RIMS2: variants seen among roughly 807,000 people sequenced by gnomAD.
The protein encoded by RIMS2 is regulating synaptic membrane exocytosis 2, also known as regulating synaptic membrane exocytosis protein 2.
Under a neutral mutation model 174.4 loss-of-function variants are expected in RIMS2, and 59 were observed. The observed-to-expected ratio is 0.34, with a 90% confidence interval of 0.27 to 0.42. The LOEUF (loss-of-function observed/expected upper bound fraction) is 0.42. Among genes scored for constraint, RIMS2 ranks in the 10% least tolerant of loss-of-function variants. The pLI is 1.00. For synonymous variants in RIMS2, 606 were observed against 572.5 expected, an observed-to-expected ratio of 1.06 and a Z score of -0.84; for missense variants, 1,620 against 1,666.3, an observed-to-expected ratio of 0.97 and a Z score of 0.48.
intron 19 of RIMS2, among the ~76,000 whole-genome samples, chr8:104,156,629 G>A (rs1447862348): frequency 6.6e-6 from 1 of 152,112 alleles, no homozygotes; most frequent in Non-Finnish European, 1.5e-5. Context: ...TATATTTTAT[G>A]TATTGTTAAA....
intron 1 of RIMS2, among the ~76,000 whole-genome samples, chr8:103,543,024 A>T (rs1188001659): frequency 2.0e-5 from 3 of 152,196 alleles, no homozygotes; most frequent in Admixed American, 2.0e-4. Context: ...TTGCCAGAGC[A>T]ATTAGGCAAA....
At chr8:104,196,140 A>G (rs2099022988) in intron 19 of RIMS2, among the ~76,000 whole-genome samples, 1 of 152,176 alleles carries the variant, frequency 6.6e-6, no homozygotes, top group Non-Finnish European at 1.5e-5. Flanking sequence ...TTTTTCTACC[A>G]AGAGCAGACC....
At chr8:103,963,554 G>A (rs2090885159) in intron 15 of RIMS2, among the ~76,000 whole-genome samples, 1 of 151,992 alleles carries the variant, frequency 6.6e-6, no homozygotes, top group South Asian at 2.1e-4. Context: ...AAATTTTAGG[G>A]CAGCATTAGG....
At chr8:103,738,511 CA>C (rs1462879385) in intron 2 of RIMS2, among the ~76,000 whole-genome samples, 1 of 152,124 alleles carries the variant, frequency 6.6e-6, no homozygotes, top group African/African-American at 2.4e-5. Context: ...GCAATAGCAA[CA>C]AAAGCCAAAA....
chr8:103,613,257 T>G (rs1004208944), intron 1 of RIMS2, among the ~76,000 whole-genome samples: 2 of 152,182 alleles, frequency 1.3e-5, no homozygotes, highest in Non-Finnish European at 2.9e-5. Flanking sequence ...TAAACCACAA[T>G]ATAAAGTCCT....
chr8:103,675,251 T>A (rs902776531), intron 1 of RIMS2, among the ~76,000 whole-genome samples: 11 of 152,182 alleles, frequency 7.2e-5, no homozygotes, highest in African/African-American at 2.7e-4. Flanking sequence ...CTAAAGTCTT[T>A]CCTAGTAGTC....
chr8:104,062,915 A>G (rs2097029829), intron 19 of RIMS2, among the ~76,000 whole-genome samples: 1 of 152,108 alleles, frequency 6.6e-6, no homozygotes, highest in South Asian at 2.1e-4. Context: ...AATTAACTTT[A>G]AAATTTTTTA....
intron 16 of RIMS2, among the ~76,000 whole-genome samples, chr8:103,982,989 T>C (rs554736538): frequency 7.2e-5 from 11 of 152,328 alleles, no homozygotes; most frequent in African/African-American, 2.4e-4. Flanking sequence ...CATGATCTTA[T>C]ATTTGGAAAA....
intron 1 of RIMS2, among the ~76,000 whole-genome samples, chr8:103,663,395 T>C (rs146071282): frequency 0.03 from 4,550 of 152,250 alleles, 73 homozygotes; most frequent in African/African-American, 0.046. Context: ...CCCCATCGTG[T>C]CAGCCCCAAA....
intron 1 of RIMS2, 59 bp from the exon 2 acceptor site, chr8:103,652,146 T>G: frequency 1.0e-6 from 1 of 961,210 alleles, no homozygotes; most frequent in Non-Finnish European, 1.4e-6. Flanking sequence ...AACACAAATT[T>G]GTAAATAGAA....
intron 1 of RIMS2, among the ~76,000 whole-genome samples, chr8:103,668,664 T>G (rs2096706278): frequency 6.6e-6 from 1 of 151,470 alleles, no homozygotes; most frequent in Admixed American, 6.6e-5. Context: ...ATTTATTTAT[T>G]TATTTATTTA....
intron 1 of RIMS2, among the ~76,000 whole-genome samples, chr8:103,587,930 T>C (rs1035408270): frequency 6.6e-5 from 10 of 151,858 alleles, no homozygotes; most frequent in African/African-American, 2.4e-4. Context: ...GAGAAGGAAA[T>C]AAAGGATATC....
At chr8:103,734,757 C>T (rs576676757) in intron 2 of RIMS2, among the ~76,000 whole-genome samples, 2 of 152,214 alleles carry the variant, frequency 1.3e-5, no homozygotes, top group Admixed American at 6.5e-5. Flanking sequence ...GCTACATCTG[C>T]AAGCTTTGGT....
chr8:103,822,988 A>G (rs946158888), intron 3 of RIMS2, among the ~76,000 whole-genome samples: 4 of 151,976 alleles, frequency 2.6e-5, no homozygotes, highest in Non-Finnish European at 4.4e-5. Context: ...TTGAGTTATC[A>G]GTTGCTTTGG....
chr8:103,809,314 A>G (rs1024373911), intron 3 of RIMS2, among the ~76,000 whole-genome samples: 1 of 150,996 alleles, frequency 6.6e-6, no homozygotes, highest in Non-Finnish European at 1.5e-5. Context: ...CTCCAAGATT[A>G]TTTCAAGGTA....
At chr8:104,134,593 T>G (rs903605763) in intron 19 of RIMS2, among the ~76,000 whole-genome samples, 3 of 152,234 alleles carry the variant, frequency 2.0e-5, no homozygotes, top group African/African-American at 7.2e-5. Context: ...TTGTGTAAGC[T>G]GAACCAATTG....
intron 19 of RIMS2, among the ~76,000 whole-genome samples, chr8:104,094,281 T>C (rs566753212): frequency 6.6e-6 from 1 of 152,188 alleles, no homozygotes; most frequent in South Asian, 2.1e-4. Flanking sequence ...ATTTAAAAAC[T>C]ATTACAATTA....
At chr8:103,513,379 C>T (rs1827499177) in intron 1 of RIMS2, among the ~76,000 whole-genome samples, 1 of 152,162 alleles carries the variant, frequency 6.6e-6, no homozygotes, top group Non-Finnish European at 1.5e-5. Context: ...ATTGAAAACA[C>T]AAGTCCACAA....
intron 15 of RIMS2, among the ~76,000 whole-genome samples, chr8:103,973,135 A>G (rs1236601596): frequency 6.6e-6 from 1 of 152,190 alleles, no homozygotes; most frequent in East Asian, 1.9e-4. Flanking sequence ...TATCAGCTTC[A>G]TTTTCCTAAA....
Sources: gnomAD v4.1 joint callset for allele counts (sites outside exome capture counted in the v4.1 genomes callset) on GRCh38, gnomAD v4.1.1 for gene constraint, MANE v1.5 for transcripts, NCBI Gene and HGNC (gene_info 2026-07-23, HGNC 2026-07-21) for gene names.